The following ENOX1 variants were observed in gnomAD, a reference collection of about 807,000 sequenced individuals.
The protein encoded by ENOX1 is ecto-NOX disulfide-thiol exchanger 1.
A neutral mutation model predicts 82.5 loss-of-function variants in ENOX1; 42 were observed. The ratio of observed to expected loss-of-function variants is 0.51; its 90% confidence interval spans 0.40 to 0.66. The LOEUF is 0.66. Among genes scored for constraint, ENOX1 ranks in the 30% least tolerant of loss-of-function variants. ENOX1 has a pLI of 0.00. For missense variants in ENOX1, 608 were observed against 811.6 expected, an observed-to-expected ratio of 0.75 and a Z score of 3.05; for synonymous variants, 271 against 282.2, an observed-to-expected ratio of 0.96 and a Z score of 0.40.
At chr13:43,722,065 A>G (rs1407106021) in intron 1 of ENOX1, among the ~76,000 whole-genome samples, 1 of 152,234 alleles carries the variant, frequency 6.6e-6, no homozygotes, top group Non-Finnish European at 1.5e-5. Context: ...CTGGGTTCAA[A>G]TTATTTCATC....
intron 1 of ENOX1, among the ~76,000 whole-genome samples, chr13:43,682,017 C>A (rs970768559): frequency 1.8e-4 from 28 of 152,060 alleles, no homozygotes; most frequent in African/African-American, 5.1e-4. Flanking sequence ...CTCCTTACTC[C>A]CAGCCTTCAA....
chr13:43,483,168 T>G (rs1466263676), intron 3 of ENOX1, among the ~76,000 whole-genome samples: 2 of 152,220 alleles, frequency 1.3e-5, no homozygotes, highest in African/African-American at 4.8e-5. Context: ...TGTGTCATGC[T>G]AGAAAGTACT....
chr13:43,494,244 C>G (rs117687945), intron 2 of ENOX1, among the ~76,000 whole-genome samples: 1 of 152,120 alleles, frequency 6.6e-6, no homozygotes, highest in Non-Finnish European at 1.5e-5. Context: ...TTAACTAATA[C>G]GAAGACCCAC....
chr13:43,352,553 T>C (rs951456675), intron 8 of ENOX1, among the ~76,000 whole-genome samples: 5 of 152,220 alleles, frequency 3.3e-5, no homozygotes, highest in African/African-American at 1.2e-4. Flanking sequence ...GTTATTGAGC[T>C]CCTTCCCACT....
At chr13:43,770,686 TAC>T (rs149111203) in intron 1 of ENOX1, among the ~76,000 whole-genome samples, 10,247 of 146,024 alleles carry the variant, frequency 0.07, 600 homozygotes, top group East Asian at 0.25. Flanking sequence ...TACGTATGTG[TAC>T]ACACACACAC....
At chr13:43,784,209 T>A (rs1456936034) in intron 1 of ENOX1, among the ~76,000 whole-genome samples, 1 of 152,246 alleles carries the variant, frequency 6.6e-6, no homozygotes, top group Non-Finnish European at 1.5e-5. Context: ...CTGATAGACA[T>A]ACAAATATTT....
chr13:43,467,655 AT>A (rs1437127421), intron 3 of ENOX1, among the ~76,000 whole-genome samples: 3 of 152,094 alleles, frequency 2.0e-5, no homozygotes, highest in Non-Finnish European at 2.9e-5. Context: ...AAAGTTTAAA[AT>A]TTTGATAAAG....
At chr13:43,479,599 T>A (rs2058429676) in intron 3 of ENOX1, among the ~76,000 whole-genome samples, 1 of 152,238 alleles carries the variant, frequency 6.6e-6, no homozygotes, top group African/African-American at 2.4e-5. Context: ...GAATTTCTCG[T>A]TCTTCGAAAG....
intron 2 of ENOX1, among the ~76,000 whole-genome samples, chr13:43,586,165 C>A (rs924052574): frequency 2.6e-5 from 4 of 152,222 alleles, no homozygotes; most frequent in South Asian, 2.1e-4. Context: ...TCAGGCCACT[C>A]CCTTCGCCAA....
At chr13:43,492,305 G>A (rs2153662644) in intron 2 of ENOX1, among the ~76,000 whole-genome samples, 1 of 152,292 alleles carries the variant, frequency 6.6e-6, no homozygotes, top group East Asian at 1.9e-4. Flanking sequence ...TACAGGCCTG[G>A]CCATTGCTTT....
intron 1 of ENOX1, among the ~76,000 whole-genome samples, chr13:43,768,838 C>T (rs572887128): frequency 1.3e-5 from 2 of 152,316 alleles, no homozygotes; most frequent in South Asian, 4.1e-4. Flanking sequence ...CCGATTTCCT[C>T]GTTGTCTGCC....
chr13:43,219,229 G>A (rs908368469), intron 16 of ENOX1, among the ~76,000 whole-genome samples: 3 of 152,162 alleles, frequency 2.0e-5, no homozygotes, highest in East Asian at 1.9e-4. Context: ...CAAGGATTAT[G>A]AATCCAGCCC....
At position 43,786,842 on chromosome 13, in the gene ENOX1, A is replaced by G; in HGVS notation, c.-475T>C. On this transcript the variant is annotated 5_prime_UTR_variant, in exon 1 of 17. Coordinates refer to ENST00000690772, the MANE Select transcript of ENOX1 (RefSeq NM_001347969.2). This position sits in a 1 kb window ranked among gnomAD's most constrained non-coding sequence, Gnocchi z 6.0. ...TCTGCTGCCGCCGCCGCTGCAGCAG[A>G]CAGAGGACGCCCCGTGGCGGCTGGA... The G allele has an allele frequency of 7.2e-6, 1 of 138,470 alleles. No homozygotes were observed. Among genetic ancestry groups the G allele is most frequent in the Non-Finnish European group, 1.6e-5 (1 of 64,042 alleles). The allele number at this position is 138,470 out of a possible 1,614,324, so 8.6% of individuals were successfully genotyped here.
rs1259421544 is a variant in ENOX1 at position 43,430,152 on chromosome 13, G to C, written c.-74-17164C>G. On this transcript the variant is annotated intron_variant, in intron 3 of 16. Transcript: ENST00000690772. ...GCAACGTGCACAAAATATGCATTTTGTATGTTACGGAGGTCTTGCTGATGT... is the reference window on the plus strand; with the variant it reads ...GCAACGTGCACAAAATATGCATTTTCTATGTTACGGAGGTCTTGCTGATGT... Among the ~76,000 whole-genome samples the C allele has an allele frequency of 2.6e-5, 4 of 152,200 alleles. No individual in the cohort carries two copies. In the South Asian group the frequency reaches 8.3e-4, roughly 31 times the overall value.
intron 2 of ENOX1, among the ~76,000 whole-genome samples, chr13:43,657,028 G>C (rs931532717): frequency 6.6e-6 from 1 of 152,058 alleles, no homozygotes; most frequent in Non-Finnish European, 1.5e-5. Flanking sequence ...GTAAAATATG[G>C]CATGTGGATA....
Position 43,326,380 on chromosome 13 carries a change from G to C in ENOX1, c.1143+39C>G, listed in dbSNP as rs201349744. The C allele has an allele frequency of 1.5e-5, 23 of 1,552,460 alleles. No individual in the cohort carries two copies. The African/African-American group carries it at 3.0e-4, about 20-fold the overall frequency. On this transcript the variant is annotated intron_variant, in intron 10 of 16. Transcript: ENST00000690772. ...CATGCTATTCTCTGCCAATCCAGCT[G>C]TGTGATGGTGGTTAAAAAGTAATAA...
intron 5 of ENOX1, among the ~76,000 whole-genome samples, chr13:43,370,411 T>C (rs1242770051): frequency 6.6e-6 from 1 of 152,072 alleles, no homozygotes; most frequent in Admixed American, 6.6e-5. Context: ...TTAGACTCCC[T>C]CCCCAACACT....
intron 1 of ENOX1, among the ~76,000 whole-genome samples, chr13:43,690,323 C>A (rs998940829): frequency 6.8e-6 from 1 of 146,726 alleles, no homozygotes; most frequent in Non-Finnish European, 1.5e-5. Flanking sequence ...ATAGAAAAAA[C>A]AAAATTAGTA....
chr13:43,641,963 T>G (rs1028856167), intron 2 of ENOX1, among the ~76,000 whole-genome samples: 1 of 152,210 alleles, frequency 6.6e-6, no homozygotes, highest in Admixed American at 6.5e-5. Context: ...ATAATAGTCA[T>G]GTTAACATTT....
Sources: allele counts gnomAD v4.1 joint callset (sites outside exome capture counted in the v4.1 genomes callset), GRCh38; gene constraint gnomAD v4.1.1; non-coding constraint Gnocchi (gnomAD v3.1); transcripts MANE v1.5; gene names NCBI Gene and HGNC (gene_info 2026-07-23, HGNC 2026-07-21).